UNC13C: variants seen among roughly 807,000 people sequenced by gnomAD.
UNC13C encodes unc-13 homolog C, also known as protein unc-13 homolog C.
In UNC13C, 174 loss-of-function variants were observed where a neutral mutation model predicts 245.4. That is an observed-to-expected ratio of 0.71 (90% CI 0.63 to 0.80). The LOEUF (loss-of-function observed/expected upper bound fraction) is 0.80, where lower values mean the gene tolerates loss of function less well. Ranked by LOEUF, UNC13C falls within the 30% of genes least tolerant of loss-of-function variation. The pLI, the probability that UNC13C is intolerant of heterozygous loss-of-function variation, is 0.00. For synonymous variants in UNC13C, 992 were observed against 895.1 expected (o/e 1.11, Z -1.93); for missense variants, 2,829 against 2,602.9 (o/e 1.09, Z -1.89).
Position 54,468,782 on chromosome 15 carries a change from C to G in UNC13C, c.4934-25826C>G, listed in dbSNP as rs75053935. On this transcript the variant is annotated intron_variant, in intron 19 of 32. Coordinates refer to ENST00000260323, the MANE Select transcript of UNC13C (RefSeq NM_001080534.3). ...AAATATGTGGATTTATTTCTGGGCT[C>G]TCTATCCTGTTCCATTGCTTAGTAT... 3.3e-3 allele frequency among the ~76,000 whole-genome samples: 505 copies of G among 151,754 alleles called. 2 individuals carry two copies. The highest frequency in any genetic ancestry group is 0.012 in the African/African-American group (486 of 41,496).
At chr15:54,469,133 A>G (rs1892324071) in intron 19 of UNC13C, among the ~76,000 whole-genome samples, 2 of 151,552 alleles carry the variant, frequency 1.3e-5, no homozygotes, top group Admixed American at 6.6e-5. Context: ...AGATTTCAGT[A>G]TACAGATCTT....
At chr15:54,542,805 G>A (rs1361654769) in intron 26 of UNC13C, among the ~76,000 whole-genome samples, 12 of 152,038 alleles carry the variant, frequency 7.9e-5, no homozygotes, top group Admixed American at 3.3e-4. Flanking sequence ...TGTTTTATCA[G>A]AGACTAGGTT....
chr15:53,957,908 C>G, the UNC13C span, among the ~76,000 whole-genome samples: 1 of 152,148 alleles, frequency 6.6e-6, no homozygotes, highest in Non-Finnish European at 1.5e-5. Flanking sequence ...CAGCAAACAT[C>G]TTTTATAAGC....
Position 54,441,838 on chromosome 15 carries a change from A to G in UNC13C, c.4933+26771A>G, listed in dbSNP as rs1312069206. 3.3e-5 allele frequency among the ~76,000 whole-genome samples: 5 copies of G among 151,520 alleles called. No individual in the cohort carries two copies. The East Asian group carries it at 7.8e-4, about 24-fold the overall frequency. On this transcript the variant is annotated intron_variant, in intron 19 of 32. Coordinates refer to ENST00000260323, the MANE Select transcript of UNC13C (RefSeq NM_001080534.3). The stretch of plus-strand genomic sequence containing the variant: ...ATCCATGAGCATAAGATATCTTTCT[A>G]TTTGTGTCATTTTCATTTGCTTTCA...
intron 19 of UNC13C, among the ~76,000 whole-genome samples, chr15:54,429,791 A>C (rs1349755785): frequency 1.3e-5 from 2 of 151,630 alleles, no homozygotes; most frequent in East Asian, 3.9e-4. Flanking sequence ...CCTTTAATTT[A>C]TTTCTATTTG....
At chr15:53,921,950 G>C in the UNC13C span, among the ~76,000 whole-genome samples, 1 of 152,052 alleles carries the variant, frequency 6.6e-6, no homozygotes. Flanking sequence ...TGAGTTAGTT[G>C]GTTACAAAAT....
intron 4 of UNC13C, among the ~76,000 whole-genome samples, chr15:54,230,560 A>G (rs550913403): frequency 1.3e-4 from 20 of 152,082 alleles, no homozygotes; most frequent in Non-Finnish European, 2.8e-4. Flanking sequence ...TGTAATTTGT[A>G]TACTCTATTT....
At chr15:54,605,335 T>C (rs983912520) in intron 30 of UNC13C, among the ~76,000 whole-genome samples, 3 of 152,022 alleles carry the variant, frequency 2.0e-5, no homozygotes, top group East Asian at 1.9e-4. Context: ...CCAGTCTTAA[T>C]GAGGTGCTCT....
At chr15:54,525,363 C>A (rs987369055) in intron 24 of UNC13C, among the ~76,000 whole-genome samples, 186 bp from the exon 25 acceptor site, 3 of 151,358 alleles carry the variant, frequency 2.0e-5, no homozygotes, top group Non-Finnish European at 4.4e-5. Context: ...TATGAGAACC[C>A]CTTGGTTTCT....
the UNC13C span, among the ~76,000 whole-genome samples, chr15:53,876,782 A>G: frequency 1.3e-5 from 2 of 152,154 alleles, no homozygotes; most frequent in African/African-American, 2.4e-5. Flanking sequence ...TCTTTTTATG[A>G]TTATAAAAAA....
intron 30 of UNC13C, among the ~76,000 whole-genome samples, chr15:54,612,634 T>C (rs1900176674): frequency 6.6e-6 from 1 of 152,010 alleles, no homozygotes; most frequent in African/African-American, 2.4e-5. Context: ...TTGACTCCAT[T>C]CATTTACTCT....
intron 2 of UNC13C, chr15:54,049,250 T>A (rs1897171527): frequency 1.9e-6 from 1 of 517,808 alleles, no homozygotes; most frequent in South Asian, 1.6e-5. Flanking sequence ...AGAGACACAG[T>A]CTGTGCATTC....
rs1375617502 is a variant in UNC13C, at chr15:54,015,694, A to G, written c.2791A>G (p.Ser931Gly). 3 of 1,613,642 alleles carry G rather than the reference A, an allele frequency of 1.9e-6. No individual in the cohort carries two copies. The highest frequency in any genetic ancestry group is 2.7e-5 in the African/African-American group (2 of 74,916). Reference protein sequence around the residue: ...GYDGPADDMVSEEGLEPLNET... With the variant: ...GYDGPADDMVGEEGLEPLNET... ...TGATGGTCCAGCAGATGATATGGTT[A>G]GTGAAGAGGGGTTAGAACCCTTAAA... Residue 931 changes from serine to glycine, a missense_variant, in exon 2 of 33, where the codon AGT (serine) becomes GGT (glycine). Ser to Gly is a moderately conservative substitution (Grantham distance 56). Transcript: ENST00000260323.
chr15:54,580,617 T>C (rs1898156908), intron 30 of UNC13C, among the ~76,000 whole-genome samples: 1 of 151,616 alleles, frequency 6.6e-6, no homozygotes, highest in South Asian at 2.1e-4. Flanking sequence ...CCGTGTGGAG[T>C]TGCTGGGAGA....
intron 32 of UNC13C, 75 bp downstream of exon 32, chr15:54,624,029 A>G (rs1038055802): frequency 5.7e-6 from 9 of 1,568,448 alleles, no homozygotes; most frequent in Non-Finnish European, 7.8e-6. Flanking sequence ...AGGGATTTGG[A>G]GTGTGAAGGG....
intron 10 of UNC13C, among the ~76,000 whole-genome samples, chr15:54,272,316 T>C (rs2036707862): frequency 6.6e-6 from 1 of 152,200 alleles, no homozygotes; most frequent in African/African-American, 2.4e-5. Flanking sequence ...TGAGTATCAG[T>C]TAAGCATAAA....
intron 4 of UNC13C, among the ~76,000 whole-genome samples, chr15:54,144,034 A>G (rs898156991): frequency 2.6e-5 from 4 of 152,166 alleles, no homozygotes; most frequent in African/African-American, 9.6e-5. Flanking sequence ...GCTTGTTTGC[A>G]CTTAATGATA....
chr15:54,356,894 G>A (rs867815752), intron 17 of UNC13C, among the ~76,000 whole-genome samples: 7 of 151,894 alleles, frequency 4.6e-5, no homozygotes, highest in Non-Finnish European at 8.8e-5. Flanking sequence ...TATTAAAAAG[G>A]CACTTCAATG....
At chr15:53,953,068 T>C in the UNC13C span, among the ~76,000 whole-genome samples, 1 of 152,194 alleles carries the variant, frequency 6.6e-6, no homozygotes, top group African/African-American at 2.4e-5. Flanking sequence ...AATTAGCACC[T>C]CACAACAGCT....
Sources: allele counts gnomAD v4.1 joint callset (sites outside exome capture counted in the v4.1 genomes callset), GRCh38; gene constraint gnomAD v4.1.1; transcripts MANE v1.5; gene names NCBI Gene and HGNC (gene_info 2026-07-23, HGNC 2026-07-21).